PHF14: variants seen among roughly 807,000 people sequenced by gnomAD.
PHF14 encodes the protein PHD finger protein 14.
A neutral mutation model predicts 117.9 loss-of-function variants in PHF14; 55 were observed. That is an observed-to-expected ratio of 0.47 (90% CI 0.38 to 0.58). The LOEUF is 0.58. PHF14 is among the 20% of genes least tolerant of loss of function. The pLI is 0.00. For synonymous variants in PHF14, 409 were observed against 368.6 expected (o/e 1.11, Z -1.26); for missense variants, 978 against 1,122.2 (o/e 0.87, Z 1.84).
At chr7:11,112,662 T>C (rs992739814) in intron 17 of PHF14, among the ~76,000 whole-genome samples, 1 of 151,908 alleles carries the variant, frequency 6.6e-6, no homozygotes, top group African/African-American at 2.4e-5. Flanking sequence ...TCCCAGCTAC[T>C]TGGGAGGCTG....
At chr7:11,142,239 A>G (rs1054653368) in intron 17 of PHF14, among the ~76,000 whole-genome samples, 1 of 152,066 alleles carries the variant, frequency 6.6e-6, no homozygotes, top group East Asian at 1.9e-4. Context: ...TTATTTTCTC[A>G]GTAAACTCAG....
Position 11,028,822 on chromosome 7 carries a change from G to C in PHF14, c.1455+4G>C. 1 of 1,612,958 alleles carries C rather than the reference G, an allele frequency of 6.2e-7. No homozygotes were observed. The highest frequency in any genetic ancestry group is 2.2e-5 in the East Asian group (1 of 44,832). ...TTCAGAGGCAGCGGCGGAAGAGGTA[G>C]GTTTATTTAAACCCATAGTTGGTGA... On this transcript the variant is annotated splice_donor_region_variant and intron_variant, in intron 7 of 17. Coordinates refer to ENST00000634607, the MANE Select transcript of PHF14 (RefSeq NM_001007157.2).
chr7:11,073,391 C>T (rs1028087091), intron 16 of PHF14, among the ~76,000 whole-genome samples: 1 of 152,214 alleles, frequency 6.6e-6, no homozygotes, highest in Non-Finnish European at 1.5e-5. Context: ...GCCAGGCATA[C>T]ATTAAACCTT....
At chr7:10,989,299 C>T (rs1195464518) in intron 3 of PHF14, among the ~76,000 whole-genome samples, 2 of 151,018 alleles carry the variant, frequency 1.3e-5, no homozygotes, top group African/African-American at 4.9e-5. Flanking sequence ...AATGATGGCT[C>T]CAAATGTTAC....
At chr7:11,095,379 T>C (rs1786808532) in intron 16 of PHF14, among the ~76,000 whole-genome samples, 1 of 152,210 alleles carries the variant, frequency 6.6e-6, no homozygotes, top group Non-Finnish European at 1.5e-5. Context: ...TCTGTACTTT[T>C]AAGCATGAGG....
At chr7:10,979,725 G>A (rs1262627559) in intron 2 of PHF14, among the ~76,000 whole-genome samples, 2 of 151,814 alleles carry the variant, frequency 1.3e-5, no homozygotes, top group African/African-American at 2.4e-5. Flanking sequence ...CAGTGCATAT[G>A]TACAAAAAAG....
At chr7:10,977,481 A>C (rs1781907469) in intron 2 of PHF14, among the ~76,000 whole-genome samples, 1 of 152,134 alleles carries the variant, frequency 6.6e-6, no homozygotes, top group Non-Finnish European at 1.5e-5. Flanking sequence ...TATAGAAAAC[A>C]TTTGCAGATA....
At chr7:11,101,014 G>A (rs1562466584) in intron 16 of PHF14, among the ~76,000 whole-genome samples, 1 of 151,824 alleles carries the variant, frequency 6.6e-6, no homozygotes, top group Non-Finnish European at 1.5e-5. Context: ...TTGTTTACTA[G>A]TTGCATATGA....
intron 2 of PHF14, among the ~76,000 whole-genome samples, chr7:10,978,483 T>C (rs1781942890): frequency 6.6e-6 from 1 of 152,150 alleles, no homozygotes; most frequent in Admixed American, 6.6e-5. Flanking sequence ...AAATTAAAAG[T>C]GTTGAGACTT....
At chr7:11,073,536 T>C (rs1296242388) in intron 16 of PHF14, among the ~76,000 whole-genome samples, 2 of 152,182 alleles carry the variant, frequency 1.3e-5, no homozygotes, top group Non-Finnish European at 2.9e-5. Context: ...GCTGCTCTCA[T>C]GGGTTGGAGT....
intron 16 of PHF14, chr7:11,103,955 T>C: frequency 1.0e-6 from 1 of 984,570 alleles, no homozygotes; most frequent in Non-Finnish European, 1.2e-6. Flanking sequence ...GTTGTCACTA[T>C]ATTAGCTTAA....
intron 4 of PHF14, among the ~76,000 whole-genome samples, chr7:11,012,108 C>G (rs1783377245): frequency 6.6e-6 from 1 of 152,168 alleles, no homozygotes; most frequent in Non-Finnish European, 1.5e-5. Flanking sequence ...ACTGAGTTCA[C>G]AGACAAAATT....
Position 11,028,891 on chromosome 7 carries a change from T to G in PHF14, c.1455+73T>G. On this transcript the variant is annotated intron_variant, in intron 7 of 17. Coordinates refer to ENST00000634607, the MANE Select transcript of PHF14 (RefSeq NM_001007157.2). ...TTTTGACTCTATGTCCTATAATAAG[T>G]GTAAATAATAAAAGAAATTTTAACA... is the stretch of plus-strand genomic sequence containing the variant. 3 of 1,225,728 alleles carry G rather than the reference T, an allele frequency of 2.4e-6. No homozygotes were observed. In the South Asian group the frequency reaches 4.5e-5, roughly 18 times the overall value. 75.9% of individuals were successfully genotyped at this position (1,225,728 alleles called of 1,614,324 possible).
intron 10 of PHF14, among the ~76,000 whole-genome samples, chr7:11,037,549 T>G (rs1462066597): frequency 6.6e-6 from 1 of 152,154 alleles, no homozygotes; most frequent in African/African-American, 2.4e-5. Flanking sequence ...ATTTAGAAAC[T>G]TTTCTTTAAA....
intron 14 of PHF14, among the ~76,000 whole-genome samples, chr7:11,053,630 A>G (rs754543816): frequency 1.4e-4 from 21 of 152,224 alleles, no homozygotes; most frequent in Middle Eastern, 6.8e-3. Context: ...TATTGTTTCA[A>G]GAAAGCCTTT....
chr7:11,028,967 A>C (rs1426690572), intron 7 of PHF14, 149 bp downstream of exon 7: 1 of 635,418 alleles, frequency 1.6e-6, no homozygotes, highest in Non-Finnish European at 2.5e-6. Flanking sequence ...TTTAAGAGTA[A>C]ATGCCTATGA....
At chr7:11,110,847 G>A (rs1035281518) in intron 16 of PHF14, 2 of 151,944 alleles carry the variant, frequency 1.3e-5, no homozygotes, top group East Asian at 1.9e-4. Flanking sequence ...GAGAGAAATC[G>A]GGTCCAAATT....
intron 16 of PHF14, among the ~76,000 whole-genome samples, chr7:11,089,785 T>G (rs1786571315): frequency 8.8e-6 from 1 of 113,438 alleles, no homozygotes; most frequent in Non-Finnish European, 1.8e-5. Flanking sequence ...TTTTTTTTTT[T>G]TTGAGACGGA....
At chr7:11,145,546 A>G (rs2128352376) in intron 17 of PHF14, among the ~76,000 whole-genome samples, 1 of 152,130 alleles carries the variant, frequency 6.6e-6, no homozygotes, top group Middle Eastern at 3.4e-3. Flanking sequence ...GTGCTGATTC[A>G]CTTTTTATAA....
Sources: allele counts gnomAD v4.1 joint callset (sites outside exome capture counted in the v4.1 genomes callset), GRCh38; gene constraint gnomAD v4.1.1; transcripts MANE v1.5; gene names NCBI Gene and HGNC (gene_info 2026-07-23, HGNC 2026-07-21).